The following GALNT13 variants were observed in gnomAD, a reference collection of about 807,000 sequenced individuals.
The protein encoded by GALNT13 is polypeptide N-acetylgalactosaminyltransferase 13, also known as UDP-GalNAc:polypeptide N-acetylgalactosaminyltransferase 13.
Under a neutral mutation model 64.2 loss-of-function variants are expected in GALNT13, and 28 were observed. The observed-to-expected ratio is 0.44, with a 90% confidence interval of 0.32 to 0.60. The LOEUF (loss-of-function observed/expected upper bound fraction) is 0.60, where lower values mean the gene tolerates loss of function less well. GALNT13 is among the 20% of genes least tolerant of loss of function. GALNT13 has a pLI of 0.05. For synonymous variants in GALNT13, 214 were observed against 224.6 expected (o/e 0.95, Z 0.42); for missense variants, 577 against 669.8 (o/e 0.86, Z 1.53).
chr2:153,320,062 G>T, the GALNT13 span, among the ~76,000 whole-genome samples: 9 of 152,216 alleles, frequency 5.9e-5, no homozygotes, highest in African/African-American at 2.2e-4. Context: ...ATATAACTGG[G>T]TTGCACTCTT....
intron 9 of GALNT13, among the ~76,000 whole-genome samples, chr2:154,320,628 T>TTA (rs1293406236): frequency 6.6e-6 from 1 of 152,166 alleles, no homozygotes; most frequent in Admixed American, 6.5e-5. Context: ...AAGTTGTGTT[T>TTA]TATTGTAGAG....
the GALNT13 span, among the ~76,000 whole-genome samples, chr2:153,765,097 G>A: frequency 1.3e-5 from 2 of 152,258 alleles, no homozygotes; most frequent in African/African-American, 4.8e-5. Flanking sequence ...CAGTGCAGAA[G>A]GGAAAGTGGG....
chr2:153,750,206 T>C, the GALNT13 span, among the ~76,000 whole-genome samples: 2 of 151,888 alleles, frequency 1.3e-5, no homozygotes, highest in Non-Finnish European at 2.9e-5. Flanking sequence ...ATCTTTCTAA[T>C]GTATTGATGA....
chr2:153,992,363 T>G (rs1458742735), intron 3 of GALNT13, among the ~76,000 whole-genome samples: 1 of 152,184 alleles, frequency 6.6e-6, no homozygotes. Flanking sequence ...AGATACAAAC[T>G]GTGCTTTGAT....
At chr2:153,788,169 A>C in the GALNT13 span, among the ~76,000 whole-genome samples, 39 of 152,310 alleles carry the variant, frequency 2.6e-4, 1 homozygote, top group East Asian at 7.0e-3. Flanking sequence ...AAATGAAAGA[A>C]AAAATAATAA....
chr2:154,078,211 G>C (rs1701089967), intron 3 of GALNT13, among the ~76,000 whole-genome samples: 1 of 151,386 alleles, frequency 6.6e-6, no homozygotes, highest in Non-Finnish European at 1.5e-5. Flanking sequence ...AAATATCATA[G>C]CACGTAATTT....
At chr2:153,900,800 G>A (rs1365273087) in intron 1 of GALNT13, 136 bp from the exon 2 acceptor site, 1 of 152,068 alleles carries the variant, frequency 6.6e-6, no homozygotes, top group Non-Finnish European at 1.5e-5. Flanking sequence ...TACTTTGGTA[G>A]ATATATGGTC....
At chr2:153,267,878 C>T in the GALNT13 span, among the ~76,000 whole-genome samples, 1 of 152,130 alleles carries the variant, frequency 6.6e-6, no homozygotes, top group Admixed American at 6.5e-5. Context: ...AACAAGAGTT[C>T]CAACTTCAGA....
At chr2:153,395,241 T>G in the GALNT13 span, among the ~76,000 whole-genome samples, 1 of 152,106 alleles carries the variant, frequency 6.6e-6, no homozygotes, top group Non-Finnish European at 1.5e-5. Flanking sequence ...TATCCACAGG[T>G]TAAATTGGCA....
the GALNT13 span, among the ~76,000 whole-genome samples, chr2:153,261,668 A>G: frequency 3.8e-4 from 58 of 152,154 alleles, no homozygotes; most frequent in African/African-American, 1.3e-3. Flanking sequence ...CAAGAACTCC[A>G]GTGACCATTG....
intron 7 of GALNT13, among the ~76,000 whole-genome samples, chr2:154,246,839 A>G (rs1233014431): frequency 6.6e-6 from 1 of 151,988 alleles, no homozygotes; most frequent in Non-Finnish European, 1.5e-5. Flanking sequence ...AATAACAAAA[A>G]CACTGTCATC....
intron 10 of GALNT13, among the ~76,000 whole-genome samples, chr2:154,404,160 A>G (rs1699424183): frequency 6.6e-6 from 1 of 152,160 alleles, no homozygotes; most frequent in Non-Finnish European, 1.5e-5. Flanking sequence ...CACCTGCTGC[A>G]TTCTGAAGGA....
At chr2:153,474,374 AG>A in the GALNT13 span, among the ~76,000 whole-genome samples, 1 of 152,216 alleles carries the variant, frequency 6.6e-6, no homozygotes, top group Non-Finnish European at 1.5e-5. Flanking sequence ...ATTCAGAGTT[AG>A]TATAGGAAGA....
the GALNT13 span, among the ~76,000 whole-genome samples, chr2:153,740,543 C>T: frequency 2.0e-5 from 3 of 151,946 alleles, no homozygotes; most frequent in East Asian, 3.9e-4. Context: ...TTCATTTTGG[C>T]ATTCGTCTTT....
At chr2:154,257,689 T>C (rs1055688907) in intron 7 of GALNT13, 2 of 152,258 alleles carry the variant, frequency 1.3e-5, no homozygotes, top group African/African-American at 2.4e-5. Context: ...CATAAAACAG[T>C]GAGAGCACTG....
At chr2:153,180,105 T>C in the GALNT13 span, among the ~76,000 whole-genome samples, 15 of 152,156 alleles carry the variant, frequency 9.9e-5, no homozygotes, top group African/African-American at 3.6e-4. Flanking sequence ...TGTCTTTTTC[T>C]GGATCTTAGG....
the GALNT13 span, among the ~76,000 whole-genome samples, chr2:153,650,558 A>G: frequency 5.3e-5 from 8 of 152,216 alleles, no homozygotes; most frequent in African/African-American, 1.4e-4. Context: ...TCTTCCTAGC[A>G]CTGATGGTCT....
the GALNT13 span, among the ~76,000 whole-genome samples, chr2:153,727,467 G>T: frequency 6.6e-6 from 1 of 152,188 alleles, no homozygotes; most frequent in South Asian, 2.1e-4. Context: ...ACACATTTCT[G>T]TTAGAATTGG....
intron 10 of GALNT13, among the ~76,000 whole-genome samples, chr2:154,396,850 A>T (rs1204857278): frequency 7.9e-5 from 12 of 151,804 alleles, no homozygotes; most frequent in Admixed American, 7.2e-4. Flanking sequence ...TTTTCTACAT[A>T]TCTATTTTAT....
Sources: allele counts gnomAD v4.1 joint callset (sites outside exome capture counted in the v4.1 genomes callset), GRCh38; gene constraint gnomAD v4.1.1; transcripts MANE v1.5; gene names NCBI Gene and HGNC (gene_info 2026-07-23, HGNC 2026-07-21).